Variants in SVIL observed in about 807,000 individuals in gnomAD.
SVIL encodes the protein supervillin.
In SVIL, 101 loss-of-function variants were observed where a neutral mutation model predicts 240.4. That is an observed-to-expected ratio of 0.42 (90% CI 0.36 to 0.50). The LOEUF is 0.50. SVIL is among the 20% of genes least tolerant of loss of function. The pLI, the probability that SVIL is intolerant of heterozygous loss-of-function variation, is 0.01. For synonymous variants in SVIL, 999 were observed against 1,100.0 expected, an observed-to-expected ratio of 0.91 and a Z score of 1.82; for missense variants, 2,512 against 2,818.7, an observed-to-expected ratio of 0.89 and a Z score of 2.46.
At chr10:29,497,534 T>C (rs6481610) in intron 18 of SVIL, among the ~76,000 whole-genome samples, 12,912 of 152,252 alleles carry the variant, frequency 0.085, 1,644 homozygotes, top group African/African-American at 0.28. Flanking sequence ...TTTTTGAATA[T>C]AGGCATCAAA....
At chr10:29,655,326 G>A (rs1266779547) in intron 3 of SVIL, among the ~76,000 whole-genome samples, 40 of 151,980 alleles carry the variant, frequency 2.6e-4, no homozygotes, top group Admixed American at 2.4e-3. Context: ...TAGACCCCCC[G>A]GCAAGCCACT....
At chr10:29,551,347 A>AGGTGTGTGCTGTGT in intron 5 of SVIL, 84 bp from the exon 6 acceptor site, 13 of 1,337,290 alleles carry the variant, frequency 9.7e-6, no homozygotes, top group Non-Finnish European at 1.3e-5. Context: ...TACTGCACAC[A>AGGTGTGTGCTGTGT]GCACACACCT....
At chr10:29,661,520 G>A (rs1204884271) in intron 2 of SVIL, among the ~76,000 whole-genome samples, 4 of 152,164 alleles carry the variant, frequency 2.6e-5, no homozygotes, top group Non-Finnish European at 5.9e-5. Context: ...GCCAGACCAG[G>A]AGGGCTTGTC....
chr10:29,554,041 C>A (rs531099346), intron 5 of SVIL, among the ~76,000 whole-genome samples: 5 of 152,170 alleles, frequency 3.3e-5, no homozygotes, highest in Non-Finnish European at 5.9e-5. Context: ...AATGACTGGC[C>A]TCCGTTACCC....
intron 2 of SVIL, among the ~76,000 whole-genome samples, chr10:29,568,173 T>C (rs1390993632): frequency 6.6e-6 from 1 of 152,148 alleles, no homozygotes; most frequent in African/African-American, 2.4e-5. Context: ...TGGATCATCA[T>C]TGCTCTAATT....
intron 1 of SVIL, among the ~76,000 whole-genome samples, chr10:29,569,576 C>T (rs71489690): frequency 0.061 from 9,255 of 152,150 alleles, 351 homozygotes; most frequent in Admixed American, 0.12. Flanking sequence ...ACAATAATAA[C>T]AATAATACTT....
intron 6 of SVIL, among the ~76,000 whole-genome samples, chr10:29,548,439 CT>C (rs1309983789): frequency 1.3e-5 from 2 of 152,170 alleles, no homozygotes; most frequent in Non-Finnish European, 2.9e-5. Flanking sequence ...GTAAATTGCA[CT>C]TTTAATATAG....
chr10:29,556,928 C>A (rs1953985830), intron 3 of SVIL, among the ~76,000 whole-genome samples: 1 of 152,092 alleles, frequency 6.6e-6, no homozygotes, highest in African/African-American at 2.4e-5. Context: ...TTTCAAAAGA[C>A]CACTCAAGAA....
At chr10:29,659,817 A>G (rs2133034445) in intron 2 of SVIL, among the ~76,000 whole-genome samples, 1 of 151,954 alleles carries the variant, frequency 6.6e-6, no homozygotes, top group Middle Eastern at 3.4e-3. Flanking sequence ...CAATAAAAAA[A>G]ATCATTTTCC....
chr10:29,729,472 TGTG>T (rs2132714792), intron 1 of SVIL, among the ~76,000 whole-genome samples: 1 of 149,336 alleles, frequency 6.7e-6, no homozygotes, highest in South Asian at 2.1e-4. Flanking sequence ...TGTGTGTGTG[TGTG>T]TGTGTGTGTG....
chr10:29,671,930 G>A (rs1231962490), intron 2 of SVIL, among the ~76,000 whole-genome samples: 1 of 152,154 alleles, frequency 6.6e-6, no homozygotes, highest in African/African-American at 2.4e-5. Context: ...GGGTCAGTCT[G>A]AATCTCTATT....
intron 1 of SVIL, among the ~76,000 whole-genome samples, chr10:29,607,698 T>C (rs1159559247): frequency 1.3e-5 from 2 of 152,210 alleles, no homozygotes; most frequent in African/African-American, 4.8e-5. Context: ...AACGTCTTGC[T>C]CTCTGCCTGA....
intron 1 of SVIL, among the ~76,000 whole-genome samples, chr10:29,699,299 T>C (rs992434437): frequency 3.3e-5 from 5 of 152,038 alleles, no homozygotes; most frequent in African/African-American, 1.2e-4. Flanking sequence ...CACCTCTTTT[T>C]GTTTGCTTGT....
At chr10:29,651,618 T>TTCTCTCTCTCTCTC (rs9299622) in intron 3 of SVIL, among the ~76,000 whole-genome samples, 16,469 of 134,940 alleles carry the variant, frequency 0.12, 1,227 homozygotes, top group Non-Finnish European at 0.16. Flanking sequence ...GCCACATGCA[T>TTCTCTCTCTCTCTC]TCTCTCTCTC....
intron 1 of SVIL, among the ~76,000 whole-genome samples, chr10:29,598,942 G>A (rs1415670885): frequency 6.6e-6 from 1 of 152,186 alleles, no homozygotes; most frequent in Non-Finnish European, 1.5e-5. Flanking sequence ...CTAATGCACA[G>A]GCCAGCCCAG....
chr10:29,593,532 A>G (rs571117812), intron 1 of SVIL, among the ~76,000 whole-genome samples: 1 of 152,304 alleles, frequency 6.6e-6, no homozygotes, highest in Non-Finnish European at 1.5e-5. Flanking sequence ...TCACTAAAAC[A>G]TGAACAGGGT....
chr10:29,715,530 G>A (rs1963564283), intron 1 of SVIL, among the ~76,000 whole-genome samples: 1 of 152,190 alleles, frequency 6.6e-6, no homozygotes, highest in Non-Finnish European at 1.5e-5. Context: ...GGAAGAGGAA[G>A]AGTAGCTGCA....
At chr10:29,493,505 A>T in intron 20 of SVIL, 114 bp from the exon 21 acceptor site, 6 of 1,198,284 alleles carry the variant, frequency 5.0e-6, no homozygotes, top group Non-Finnish European at 7.0e-6. Flanking sequence ...TGGAAGAAAC[A>T]CGGTTGTGAT....
At chr10:29,473,236 A>C (rs1230828238) in intron 30 of SVIL, among the ~76,000 whole-genome samples, 4 of 152,114 alleles carry the variant, frequency 2.6e-5, no homozygotes, top group Non-Finnish European at 5.9e-5. Context: ...TAAGGGAGTG[A>C]CCCAATCTGA....
Sources: gnomAD v4.1 joint callset for allele counts (sites outside exome capture counted in the v4.1 genomes callset) on GRCh38, gnomAD v4.1.1 for gene constraint, MANE v1.5 for transcripts, NCBI Gene and HGNC (gene_info 2026-07-23, HGNC 2026-07-21) for gene names.